ZMAT4: variants seen among roughly 807,000 people sequenced by gnomAD.
ZMAT4 encodes the protein zinc finger matrin-type protein 4.
Under a neutral mutation model 28.7 loss-of-function variants are expected in ZMAT4, and 17 were observed. That is an observed-to-expected ratio of 0.59 (90% CI 0.41 to 0.89). The LOEUF is 0.89. ZMAT4 is among the 40% of genes least tolerant of loss of function. ZMAT4 has a pLI of 0.00. For synonymous variants in ZMAT4, 117 were observed against 109.2 expected (o/e 1.07, Z -0.44); for missense variants, 240 against 283.8 (o/e 0.85, Z 1.11).
rs541875805 is a variant in ZMAT4 at position 40,882,521 on chromosome 8, G to A, written c.-5+15162C>T. On this transcript the variant is annotated intron_variant, in intron 1 of 6. Transcript: ENST00000297737. ...TACCAACCCAGAAGCTCTGCAGCAA[G>A]CAGCAGCACAGGTTACCCATGACCT... 3.4e-3 allele frequency among the ~76,000 whole-genome samples: 513 copies of A among 152,240 alleles called. 1 individual carries two copies. The highest frequency in any genetic ancestry group is 0.012 in the African/African-American group (487 of 41,554).
At chr8:40,840,675 C>T (rs1159694281) in intron 1 of ZMAT4, among the ~76,000 whole-genome samples, 1 of 152,146 alleles carries the variant, frequency 6.6e-6, no homozygotes, top group Non-Finnish European at 1.5e-5. Context: ...GTCTGAGTAG[C>T]ATTTATGCAG....
intron 2 of ZMAT4, among the ~76,000 whole-genome samples, chr8:40,788,540 G>A (rs1814183944): frequency 1.3e-5 from 2 of 152,120 alleles, no homozygotes; most frequent in Admixed American, 1.3e-4. Context: ...AGCTGAGATT[G>A]CACCACTGCA....
At chr8:40,840,838 C>T (rs1816674719) in intron 1 of ZMAT4, among the ~76,000 whole-genome samples, 1 of 152,180 alleles carries the variant, frequency 6.6e-6, no homozygotes, top group Non-Finnish European at 1.5e-5. Context: ...TACTATAGTA[C>T]CATCTGACTT....
In ZMAT4 at chr8:40,601,485, G is replaced by GAAA. The variant is rs372475035; in HGVS notation, c.578-20227_578-20225dup. Among the ~76,000 whole-genome samples, 794 of 133,348 alleles carry GAAA rather than the reference G, an allele frequency of 6.0e-3. 60 individuals carry two copies. The highest frequency in any genetic ancestry group is 0.048 in the Middle Eastern group (13 of 270). The allele number at this position is 133,348 out of a possible 152,430, so 87.5% of individuals were successfully genotyped here. On this transcript the variant is annotated intron_variant, in intron 5 of 6. Transcript: ENST00000297737. ...GGAAGAAAGGAAAGAAAGAAAGAAA[G>GAAA]AAAGAAAGAGAGAAAGAAAGAAAGA...
At chr8:40,870,042 TGGTTATTCTA>T (rs1817799040) in intron 1 of ZMAT4, among the ~76,000 whole-genome samples, 1 of 152,192 alleles carries the variant, frequency 6.6e-6, no homozygotes, top group South Asian at 2.1e-4. Flanking sequence ...TATTTTGGGC[TGGTTATTCTA>T]GGAAACTGCA....
chr8:40,897,766 C>T lies in ZMAT4; in HGVS notation c.-88G>A, dbSNP rs1224939267. On this transcript the variant is annotated 5_prime_UTR_variant, in exon 1 of 7. It adds an upstream start codon to the 5' untranslated region. Coordinates refer to ENST00000297737, the MANE Select transcript of ZMAT4 (RefSeq NM_024645.3). ...TAGAGCGAAGCTGTGGGCTGGAGCA[C>T]GCTGAGGATTACACGTTCCTGTCTC... The T allele has an allele frequency of 6.6e-6, 1 of 152,242 alleles. No homozygotes were observed. The highest frequency in any genetic ancestry group is 2.4e-5 in the African/African-American group (1 of 41,450). The allele number at this position is 152,242 out of a possible 1,614,324, so 9.4% of individuals were successfully genotyped here.
chr8:40,886,393 C>T (rs1443667206), intron 1 of ZMAT4, among the ~76,000 whole-genome samples: 1 of 152,202 alleles, frequency 6.6e-6, no homozygotes, highest in Non-Finnish European at 1.5e-5. Context: ...TCCAGAGTCA[C>T]GCAGCTTGGA....
chr8:40,887,165 C>A (rs1241359227), intron 1 of ZMAT4, among the ~76,000 whole-genome samples: 1 of 119,758 alleles, frequency 8.4e-6, no homozygotes, highest in Non-Finnish European at 1.7e-5. Flanking sequence ...AGCAAGACTC[C>A]GTCTCAAAAA....
intron 5 of ZMAT4, among the ~76,000 whole-genome samples, chr8:40,661,974 TTTTGTTTG>T (rs1049860513): frequency 1.3e-5 from 2 of 152,026 alleles, no homozygotes; most frequent in African/African-American, 2.4e-5. Flanking sequence ...AGGTTAATTT[TTTTGTTTG>T]TTTGTTTGTT....
chr8:40,763,286 A>T (rs1813011846), intron 3 of ZMAT4, among the ~76,000 whole-genome samples: 1 of 152,188 alleles, frequency 6.6e-6, no homozygotes, highest in Admixed American at 6.5e-5. Context: ...GCTAGTTTAC[A>T]GTATCAGAGT....
intron 5 of ZMAT4, among the ~76,000 whole-genome samples, chr8:40,595,497 A>G (rs1234413187): frequency 6.6e-6 from 1 of 152,130 alleles, no homozygotes; most frequent in African/African-American, 2.4e-5. Flanking sequence ...ATAAACCTAC[A>G]TGGTATAGCT....
chr8:40,695,485 G>A (rs1464005325), intron 4 of ZMAT4, among the ~76,000 whole-genome samples: 2 of 152,204 alleles, frequency 1.3e-5, no homozygotes, highest in South Asian at 2.1e-4. Context: ...CATAGCTTTC[G>A]GTGCACCACA....
intron 5 of ZMAT4, among the ~76,000 whole-genome samples, chr8:40,623,044 G>C (rs770206138): frequency 2.0e-5 from 3 of 152,220 alleles, no homozygotes; most frequent in African/African-American, 4.8e-5. Context: ...GTCAGAGTCT[G>C]TATTAAGTAC....
chr8:40,614,813 G>A (rs1177471074), intron 5 of ZMAT4, among the ~76,000 whole-genome samples: 8 of 152,048 alleles, frequency 5.3e-5, no homozygotes, highest in Admixed American at 5.2e-4. Flanking sequence ...TTGAGCCTAT[G>A]TGTGTCTCTG....
chr8:40,601,503 A>G (rs67488601), intron 5 of ZMAT4, among the ~76,000 whole-genome samples: 18,905 of 126,870 alleles, frequency 0.15, 2,961 homozygotes, highest in Middle Eastern at 0.19. Flanking sequence ...GAGAGAAAGA[A>G]AGAAAGAGAA....
rs1316999808 is a variant in ZMAT4, at chr8:40,686,426, C to T, written c.349+10819G>A. On this transcript the variant is annotated intron_variant, in intron 4 of 6. Transcript: ENST00000297737. ...GCTTGAGTAAGCTATGATCACTCCA[C>T]TGTACTCCAACCTGGGTAACAGAGT... Among the ~76,000 whole-genome samples, 5 of 152,000 alleles carry T rather than the reference C, an allele frequency of 3.3e-5. No individual in the cohort carries two copies. The East Asian group carries it at 9.7e-4, about 29-fold the overall frequency.
chr8:40,649,195 A>G (rs1341661061), intron 5 of ZMAT4, among the ~76,000 whole-genome samples: 1 of 152,192 alleles, frequency 6.6e-6, no homozygotes, highest in African/African-American at 2.4e-5. Flanking sequence ...ACGTGCAGAG[A>G]CACACATAGA....
intron 4 of ZMAT4, among the ~76,000 whole-genome samples, chr8:40,683,231 C>T (rs1050948673): frequency 6.6e-6 from 1 of 152,164 alleles, no homozygotes; most frequent in African/African-American, 2.4e-5. Flanking sequence ...GCAGGTATAA[C>T]GATGAATGCC....
At chr8:40,544,217 A>T (rs1483863454) in intron 6 of ZMAT4, among the ~76,000 whole-genome samples, 1 of 152,194 alleles carries the variant, frequency 6.6e-6, no homozygotes, top group East Asian at 1.9e-4. Context: ...AGTAAACTGT[A>T]AGAGTGATAA....
Sources: gnomAD v4.1 joint callset for allele counts (sites outside exome capture counted in the v4.1 genomes callset) on GRCh38, gnomAD v4.1.1 for gene constraint, MANE v1.5 for transcripts, NCBI Gene and HGNC (gene_info 2026-07-23, HGNC 2026-07-21) for gene names.